HDAC4: variants seen among roughly 807,000 people sequenced by gnomAD.
HDAC4 encodes histone deacetylase 4.
Under a neutral mutation model 135.1 loss-of-function variants are expected in HDAC4, and 16 were observed. The ratio of observed to expected loss-of-function variants is 0.12; its 90% CI spans 0.08 to 0.18. The LOEUF is 0.18. Ranked by LOEUF, HDAC4 falls within the 10% of genes least tolerant of loss-of-function variation. The probability of loss-of-function intolerance (pLI) is 1.00; values close to 1 mark genes in which losing one functional copy is unlikely to be tolerated. For synonymous variants in HDAC4, 685 were observed against 653.4 expected, an observed-to-expected ratio of 1.05 and a Z score of -0.74; for missense variants, 1,143 against 1,511.8, an observed-to-expected ratio of 0.76 and a Z score of 4.05.
intron 3 of HDAC4, among the ~76,000 whole-genome samples, chr2:239,208,827 T>G (rs2046209284): frequency 1.3e-5 from 2 of 152,198 alleles, no homozygotes; most frequent in Admixed American, 1.3e-4. Flanking sequence ...CTAGAAGTAT[T>G]TCTAACAAAA....
chr2:239,273,704 G>A (rs949938123), intron 2 of HDAC4, among the ~76,000 whole-genome samples: 2 of 152,154 alleles, frequency 1.3e-5, no homozygotes, highest in Admixed American at 6.5e-5. Context: ...TGCTCAACAC[G>A]CCACATGGAC....
chr2:239,225,728 C>T (rs373220434), intron 3 of HDAC4, among the ~76,000 whole-genome samples: 49 of 64,606 alleles, frequency 7.6e-4, no homozygotes, highest in African/African-American at 2.9e-3. Flanking sequence ...TTCTTCCCCT[C>T]GCCCGTGGCC....
At chr2:239,149,594 CGTGGCTCCAGATGCTGGGCACAGG>C (rs1203000668) in intron 7 of HDAC4, among the ~76,000 whole-genome samples, 5 of 152,142 alleles carry the variant, frequency 3.3e-5, no homozygotes, top group Non-Finnish European at 5.9e-5. Context: ...ACGTGCCCTG[CGTGGCTCCAGATGCTGGGCACAGG>C]GTGGCTCTGA....
intron 2 of HDAC4, among the ~76,000 whole-genome samples, chr2:239,326,718 A>G (rs2125794706): frequency 6.6e-6 from 1 of 152,388 alleles, no homozygotes; most frequent in Middle Eastern, 3.4e-3. Flanking sequence ...GAGTTGGAAG[A>G]AAACAACAGA....
intron 16 of HDAC4, among the ~76,000 whole-genome samples, chr2:239,097,115 G>T (rs1410742332): frequency 6.6e-6 from 1 of 152,238 alleles, no homozygotes; most frequent in Non-Finnish European, 1.5e-5. Context: ...TCCAGACAAA[G>T]GCCTACGTGC....
Position 239,113,801 on chromosome 2 carries a change from CGT to C in HDAC4, c.1791+1250_1791+1251del, listed in dbSNP as rs1266664220. Among the ~76,000 whole-genome samples, 7 of 152,288 alleles carry C rather than the reference CGT, an allele frequency of 4.6e-5. No individual in the cohort carries two copies. The East Asian group carries it at 1.4e-3, about 29-fold the overall frequency. On this transcript the variant is annotated intron_variant, in intron 13 of 26. Transcript: ENST00000543185. ...TGGACGAGTGTTCACCATGAAGCAC[CGT>C]GTGTGTGCCAGAGAGGCCCGGGGCT... is the stretch of plus-strand genomic sequence containing the variant.
At chr2:239,357,259 A>G (rs1347370373) in intron 1 of HDAC4, among the ~76,000 whole-genome samples, 2 of 152,258 alleles carry the variant, frequency 1.3e-5, no homozygotes, top group Non-Finnish European at 2.9e-5. Flanking sequence ...TTGCAAACAC[A>G]TCATGAATCA....
At position 239,353,766 on chromosome 2, in the gene HDAC4, TTATGAAATAAA is replaced by T. The variant is rs1327526769; in HGVS notation, c.-219-859_-219-849del. On this transcript the variant is annotated intron_variant, in intron 1 of 26. Transcript: ENST00000543185. ...TATAAATTTATTCTGTCATATTAGC[TTATGAAATAAA>T]TATGAAATAAAATGTTTTAAAAGAA... 1.1e-4 allele frequency among the ~76,000 whole-genome samples: 16 copies of T among 152,328 alleles called. No individual in the cohort carries two copies. In the East Asian group the frequency reaches 2.7e-3, roughly 26 times the overall value.
intron 2 of HDAC4, among the ~76,000 whole-genome samples, chr2:239,321,453 A>G (rs2053308022): frequency 7.5e-6 from 1 of 133,938 alleles, no homozygotes; most frequent in African/African-American, 2.8e-5. Context: ...TGAAAGAGCA[A>G]GACTCCGTCT....
rs778140876 is a variant in HDAC4 at position 239,048,653 on chromosome 2, C to G, written c.*4444G>C. 1 of 152,204 alleles carries G rather than the reference C, an allele frequency of 6.6e-6. No individual in the cohort carries two copies. The highest frequency in any genetic ancestry group is 1.9e-4 in the East Asian group (1 of 5,188). The allele number at this position is 152,204 out of a possible 1,614,324, so 9.4% of individuals were successfully genotyped here. On this transcript the variant is annotated 3_prime_UTR_variant, in exon 27 of 27. Coordinates refer to ENST00000543185, the MANE Select transcript of HDAC4 (RefSeq NM_001378414.1). ...TAGCGCCTCCACTATGGAGCACACA[C>G]GGCAAAAAAAACAAACAAAAACTGT...
Position 239,115,174 on chromosome 2 carries a change from G to A in HDAC4, c.1670C>T (p.Ala557Val). Residue 557 changes from alanine (A) to valine (V), a missense_variant, in exon 13 of 27, where the codon GCA becomes GTA. Coordinates refer to ENST00000543185, the MANE Select transcript of HDAC4 (RefSeq NM_001378414.1). The surrounding 1 kb of genome is among the most constrained non-coding windows in gnomAD (Gnocchi z 6.3). Reference sequence around the variant, plus strand: ...CTGCTTCACCTGCACGCCGGCCTGTGCGTGCGCCTCCTTCTGCCCCGGCAG... The same window carrying A: ...CTGCTTCACCTGCACGCCGGCCTGTACGTGCGCCTCCTTCTGCCCCGGCAG... ...DRLPGQKEAH[A>V]QAGVQVKQEP... 1.2e-6 allele frequency: 2 copies of A among 1,611,136 alleles called. No individual in the cohort carries two copies. The highest frequency in any genetic ancestry group is 1.7e-6 in the Non-Finnish European group (2 of 1,179,940).
At chr2:239,187,532 A>G (rs754643777) in intron 4 of HDAC4, among the ~76,000 whole-genome samples, 1 of 152,164 alleles carries the variant, frequency 6.6e-6, no homozygotes, top group Non-Finnish European at 1.5e-5. Flanking sequence ...CCTGGCATGC[A>G]CCTGTTTCCT....
rs1405973415 is a variant in HDAC4 at position 239,111,793 on chromosome 2, G to A, written c.1792-81C>T. On this transcript the variant is annotated intron_variant, in intron 13 of 26. Transcript: ENST00000543185. ...GCAGGGCTAGGGGTTGCCCTCTCTT[G>A]CAAGTCTCCCGTCCACGCACAGGCC... is the stretch of plus-strand genomic sequence containing the variant. 6 of 1,333,540 alleles carry A rather than the reference G, an allele frequency of 4.5e-6. No individual in the cohort carries two copies. The African/African-American group carries it at 7.3e-5, about 16-fold the overall frequency. The allele number at this position is 1,333,540 out of a possible 1,614,324, so 82.6% of individuals were successfully genotyped here. A position where few individuals can be genotyped will look rare whatever the true frequency, so the allele number is the denominator to read the frequency against.
At chr2:239,196,655 A>C (rs2045403424) in intron 3 of HDAC4, among the ~76,000 whole-genome samples, 1 of 152,206 alleles carries the variant, frequency 6.6e-6, no homozygotes, top group South Asian at 2.1e-4. Context: ...ACCCCGTCTA[A>C]CATCTGGCAG....
Position 239,139,872 on chromosome 2 carries a change from C to A in HDAC4, c.866-76G>T. ...CCGTGCTGACCTGTGGCCCGAATGC[C>A]CGGTGCCTTCCACGGACCTGCTCGT... On this transcript the variant is annotated intron_variant, in intron 8 of 26. Transcript: ENST00000543185. The surrounding 1 kb of genome is among the most constrained non-coding windows in gnomAD (Gnocchi z 5.3). The A allele has an allele frequency of 8.2e-7, 1 of 1,224,692 alleles. No individual in the cohort carries two copies. 75.9% of individuals were successfully genotyped at this position (1,224,692 alleles called of 1,614,324 possible).
intron 12 of HDAC4, among the ~76,000 whole-genome samples, chr2:239,119,309 GAGC>G (rs2152823173): frequency 6.6e-6 from 1 of 152,320 alleles, no homozygotes; most frequent in Admixed American, 6.5e-5. Context: ...CCTGGATGAG[GAGC>G]AGGAGGGATT....
chr2:239,322,799 G>A (rs1165561524), intron 2 of HDAC4, among the ~76,000 whole-genome samples: 1 of 152,122 alleles, frequency 6.6e-6, no homozygotes, highest in Non-Finnish European at 1.5e-5. Flanking sequence ...CCACACCCGG[G>A]GCCCCACTCC....
At chr2:239,360,010 T>C (rs1693755204) in intron 1 of HDAC4, among the ~76,000 whole-genome samples, 2 of 151,972 alleles carry the variant, frequency 1.3e-5, no homozygotes. Context: ...TTGCAAGCAA[T>C]AGAAAATTGA....
chr2:239,087,402 C>CGTGG (rs1294106317), intron 19 of HDAC4, among the ~76,000 whole-genome samples, 157 bp downstream of exon 19: 1 of 152,264 alleles, frequency 6.6e-6, no homozygotes, highest in Non-Finnish European at 1.5e-5. Context: ...CTGCACTCCA[C>CGTGG]ACCCAGGAGC....
Sources: gnomAD v4.1 joint callset for allele counts (sites outside exome capture counted in the v4.1 genomes callset) on GRCh38, gnomAD v4.1.1 for gene constraint, Gnocchi (gnomAD v3.1) non-coding constraint, MANE v1.5 for transcripts, NCBI Gene and HGNC (gene_info 2026-07-23, HGNC 2026-07-21) for gene names.